KSR2: variants seen among roughly 807,000 people sequenced by gnomAD.
KSR2 encodes the protein kinase suppressor of ras 2.
A neutral mutation model predicts 107.8 loss-of-function variants in KSR2; 25 were observed. The observed-to-expected ratio is 0.23, with a 90% CI of 0.17 to 0.32. KSR2 has a LOEUF of 0.32. Ranked by LOEUF, KSR2 falls within the 10% of genes least tolerant of loss-of-function variation. The probability of loss-of-function intolerance (pLI) is 1.00; values close to 1 mark genes in which losing one functional copy is unlikely to be tolerated. For missense variants in KSR2, 887 were observed against 1,268.9 expected (o/e 0.70, Z 4.57); for synonymous variants, 480 against 507.0 (o/e 0.95, Z 0.71).
intron 5 of KSR2, among the ~76,000 whole-genome samples, chr12:117,644,760 C>A (rs183761700): frequency 1.7e-3 from 260 of 152,280 alleles, no homozygotes; most frequent in Non-Finnish European, 2.9e-3. Flanking sequence ...CAGGTTCATG[C>A]TCCTCTTTCG....
At chr12:117,787,487 G>T (rs1890118615) in intron 3 of KSR2, among the ~76,000 whole-genome samples, 1 of 152,074 alleles carries the variant, frequency 6.6e-6, no homozygotes, top group African/African-American at 2.4e-5. Flanking sequence ...ACAAAAATTA[G>T]CCGAGCACAG....
At chr12:117,960,068 G>A (rs1423219646) in intron 1 of KSR2, among the ~76,000 whole-genome samples, 1 of 152,014 alleles carries the variant, frequency 6.6e-6, no homozygotes, top group African/African-American at 2.4e-5. Context: ...TGGACTCCTT[G>A]GGGTTCCAAT....
chr12:117,926,636 A>G (rs1354651594), intron 1 of KSR2, among the ~76,000 whole-genome samples: 1 of 152,216 alleles, frequency 6.6e-6, no homozygotes, highest in African/African-American at 2.4e-5. Context: ...CACAGGAGAA[A>G]AATCACCCAG....
chr12:117,725,084 TCACACA>T (rs35413272), intron 4 of KSR2, among the ~76,000 whole-genome samples: 166 of 121,586 alleles, frequency 1.4e-3, no homozygotes, highest in Middle Eastern at 4.4e-3. Flanking sequence ...TCTCTCTCTC[TCACACA>T]CACACACACA....
At chr12:117,549,176 G>A (rs1877098991) in intron 9 of KSR2, among the ~76,000 whole-genome samples, 1 of 152,146 alleles carries the variant, frequency 6.6e-6, no homozygotes, top group East Asian at 1.9e-4. Flanking sequence ...CCATAACAAT[G>A]GACATATTAG....
intron 14 of KSR2, 118 bp from the exon 15 acceptor site, chr12:117,485,809 T>C: frequency 1.5e-6 from 1 of 679,304 alleles, no homozygotes. Flanking sequence ...CTATTGTGCT[T>C]ATGAGATAAT....
chr12:117,536,402 G>A (rs1876057887), intron 10 of KSR2, among the ~76,000 whole-genome samples: 1 of 152,062 alleles, frequency 6.6e-6, no homozygotes, highest in Admixed American at 6.5e-5. Flanking sequence ...ACTTCCAAAA[G>A]GTTCTGTTTT....
intron 3 of KSR2, among the ~76,000 whole-genome samples, chr12:117,807,841 C>G (rs952963847): frequency 6.6e-6 from 1 of 152,182 alleles, no homozygotes; most frequent in Non-Finnish European, 1.5e-5. Flanking sequence ...ACAAGAATAA[C>G]AACACCTGAA....
intron 2 of KSR2, among the ~76,000 whole-genome samples, chr12:117,859,753 A>C (rs548759010): frequency 2.0e-5 from 3 of 152,342 alleles, no homozygotes; most frequent in African/African-American, 7.2e-5. Flanking sequence ...CACTGCGCCC[A>C]GCTGAGTTGA....
At chr12:117,811,445 G>T (rs1013177563) in intron 3 of KSR2, among the ~76,000 whole-genome samples, 13 of 152,194 alleles carry the variant, frequency 8.5e-5, no homozygotes, top group Non-Finnish European at 1.6e-4. Context: ...AGATTCCCAG[G>T]CCCCGCCCCA....
chr12:117,687,995 T>C (rs1193240226), intron 4 of KSR2, among the ~76,000 whole-genome samples: 1 of 152,128 alleles, frequency 6.6e-6, no homozygotes, highest in Non-Finnish European at 1.5e-5. Context: ...ATTTTCAGCC[T>C]AAGTTAGATA....
chr12:117,797,636 T>C (rs949621951), intron 3 of KSR2, among the ~76,000 whole-genome samples: 6 of 134,914 alleles, frequency 4.4e-5, no homozygotes, highest in African/African-American at 1.8e-4. Context: ...TTTTATATTA[T>C]ATAAATTTCA....
intron 1 of KSR2, among the ~76,000 whole-genome samples, chr12:117,961,645 C>T (rs772912381): frequency 6.6e-6 from 1 of 152,146 alleles, no homozygotes; most frequent in East Asian, 1.9e-4. Context: ...TCTCAGCTTT[C>T]CTATCCTCCT....
chr12:117,888,093 A>T (rs1894230832), intron 1 of KSR2, among the ~76,000 whole-genome samples: 1 of 152,218 alleles, frequency 6.6e-6, no homozygotes. Context: ...TTCCAAGTGT[A>T]GCCTTTTCTC....
At chr12:117,904,879 C>G (rs1894792051) in intron 1 of KSR2, among the ~76,000 whole-genome samples, 1 of 152,166 alleles carries the variant, frequency 6.6e-6, no homozygotes, top group African/African-American at 2.4e-5. Context: ...GCAATTGTTA[C>G]TTATTTAAAA....
intron 1 of KSR2, among the ~76,000 whole-genome samples, chr12:117,877,414 T>C (rs1893891124): frequency 6.6e-6 from 1 of 152,214 alleles, no homozygotes. Context: ...ATTATATATT[T>C]ATAATAATAA....
At chr12:117,923,919 C>A (rs1391704397) in intron 1 of KSR2, among the ~76,000 whole-genome samples, 1 of 148,956 alleles carries the variant, frequency 6.7e-6, no homozygotes. Context: ...ACGCTTGTTG[C>A]CCAGGCTGGA....
At chr12:117,816,555 C>T (rs1167397140) in intron 3 of KSR2, among the ~76,000 whole-genome samples, 5 of 152,062 alleles carry the variant, frequency 3.3e-5, no homozygotes, top group African/African-American at 1.2e-4. Context: ...ATCATAGAAC[C>T]CTAGGAAGGC....
At chr12:117,557,124 C>G (rs1195517040) in intron 8 of KSR2, among the ~76,000 whole-genome samples, 1 of 152,170 alleles carries the variant, frequency 6.6e-6, no homozygotes, top group African/African-American at 2.4e-5. Context: ...GAGATCGCAC[C>G]ACTGCACTCC....
Sources: allele counts gnomAD v4.1 joint callset (sites outside exome capture counted in the v4.1 genomes callset), GRCh38; gene constraint gnomAD v4.1.1; transcripts MANE v1.5; gene names NCBI Gene and HGNC (gene_info 2026-07-23, HGNC 2026-07-21).